ARFGEF3: variants seen among roughly 807,000 people sequenced by gnomAD.
ARFGEF3 encodes ARFGEF family member 3.
ARFGEF3 carries 96 observed loss-of-function variants against 221.7 expected under a neutral mutation model. That is an observed-to-expected ratio of 0.43 (90% CI 0.37 to 0.51). The LOEUF is 0.51. ARFGEF3 is among the 20% of genes least tolerant of loss of function. The probability of loss-of-function intolerance (pLI) is 0.00; values close to 1 mark genes in which losing one functional copy is unlikely to be tolerated. For synonymous variants in ARFGEF3, 1,145 were observed against 1,126.8 expected (o/e 1.02, Z -0.32); for missense variants, 2,410 against 2,789.9 (o/e 0.86, Z 3.07).
At position 138,261,563 on chromosome 6, in the gene ARFGEF3, G is replaced by A. The variant is rs1778795874; in HGVS notation, c.1141G>A (p.Gly381Arg). 2 of 1,579,740 alleles carry A rather than the reference G, an allele frequency of 1.3e-6. No homozygotes were observed. The highest frequency in any genetic ancestry group is 8.6e-7 in the Non-Finnish European group (1 of 1,161,360). Residue 381 changes from glycine (G) to arginine (R), a missense_variant, in exon 11 of 34, where the codon GGA (glycine) becomes AGA (arginine). By Grantham distance (125) the Gly-to-Arg change is moderately radical. Transcript: ENST00000251691. ...CCCACAGCGTCTCTGTGACTTGGCA[G>A]GACCCAGCTCCACTGAATCAGAGTC... ...GSPQRLCDLA[G>R]PSSTESESRK...
At position 138,275,480 on chromosome 6, in the gene ARFGEF3, G is replaced by A. The variant is rs139203140; in HGVS notation, c.2129-2971G>A. 8.1e-3 allele frequency among the ~76,000 whole-genome samples: 1,237 copies of A among 152,198 alleles called. 9 individuals carry two copies. The highest frequency in any genetic ancestry group is 0.013 in the Non-Finnish European group (900 of 68,016). ...AAATTCATAGGGATGGCCGGGCATG[G>A]TGGCTCACACCTGTAATCCCAGCAC... On this transcript the variant is annotated intron_variant, in intron 12 of 33. Transcript: ENST00000251691.
chr6:138,249,648 G>T (rs78069862), intron 8 of ARFGEF3, among the ~76,000 whole-genome samples: 2,168 of 152,298 alleles, frequency 0.014, 28 homozygotes, highest in Middle Eastern at 0.054. Flanking sequence ...ATGGAGAAAA[G>T]AATTCATGTG....
chr6:138,251,962 G>A (rs1020133304), intron 8 of ARFGEF3, among the ~76,000 whole-genome samples: 3 of 152,088 alleles, frequency 2.0e-5, no homozygotes, highest in Admixed American at 6.6e-5. Context: ...CAAAAGCATA[G>A]GGAAGCTTGT....
At position 138,334,604 on chromosome 6, in the gene ARFGEF3, T is replaced by C. The variant is rs773078881; in HGVS notation, c.5758T>C (p.Leu1920=). Residue 1920 remains leucine, a synonymous_variant, in exon 33 of 34, where the codon TTG becomes CTG. Coordinates refer to ENST00000251691, the MANE Select transcript of ARFGEF3 (RefSeq NM_020340.5). The surrounding 1 kb of genome is among the most constrained non-coding windows in gnomAD (Gnocchi z 5.1). ...ELCNNYIQMH[L]DLENCMEEPP... is the part of the protein sequence containing the mutation. ...GTGCAACAACTACATCCAGATGCAC[T>C]TGGACCTGGAGAACTGTATGGAGGA... 2 of 1,613,692 alleles carry C rather than the reference T, an allele frequency of 1.2e-6. No individual in the cohort carries two copies. The highest frequency in any genetic ancestry group is 8.5e-7 in the Non-Finnish European group (1 of 1,179,884).
intron 8 of ARFGEF3, among the ~76,000 whole-genome samples, chr6:138,248,334 G>GC (rs949837091): frequency 1.3e-5 from 2 of 152,080 alleles, no homozygotes; most frequent in African/African-American, 4.8e-5. Flanking sequence ...CCACAGCCTC[G>GC]CCGGTGGCAG....
At chr6:138,182,937 T>C (rs1371582622) in intron 2 of ARFGEF3, among the ~76,000 whole-genome samples, 1 of 152,232 alleles carries the variant, frequency 6.6e-6, no homozygotes, top group Admixed American at 6.5e-5. Context: ...AATTGTTCTA[T>C]GTAAAATAAT....
intron 5 of ARFGEF3, among the ~76,000 whole-genome samples, chr6:138,236,673 C>T (rs933947946): frequency 2.6e-5 from 4 of 152,110 alleles, no homozygotes; most frequent in South Asian, 4.1e-4. Flanking sequence ...TGCCCCGTTG[C>T]GCCCAGGCAG....
At chr6:138,218,449 A>G in intron 4 of ARFGEF3, 2 of 1,471,124 alleles carry the variant, frequency 1.4e-6, no homozygotes, top group Non-Finnish European at 1.8e-6. Context: ...ATAATTTTGT[A>G]AATTATTATA....
intron 2 of ARFGEF3, among the ~76,000 whole-genome samples, chr6:138,204,375 G>C (rs186035511): frequency 0.014 from 1,947 of 137,580 alleles, 31 homozygotes; most frequent in Middle Eastern, 0.069. Context: ...GATTTGATTT[G>C]CCTATCCCAT....
intron 32 of ARFGEF3, among the ~76,000 whole-genome samples, chr6:138,330,234 G>A (rs1780201703): frequency 6.6e-6 from 1 of 152,128 alleles, no homozygotes; most frequent in African/African-American, 2.4e-5. Flanking sequence ...ACCTTCAGGA[G>A]GAAATTTGGT....
At position 138,245,523 on chromosome 6, in the gene ARFGEF3, A is replaced by C; in HGVS notation, c.597A>C (p.Val199=). Reference sequence around the variant, plus strand: ...TCCTCTGTTTTGAAGGGTCAACAGTAGAGTCCCTCTGTGATGATGTTGTCT... The same window carrying C: ...TCCTCTGTTTTGAAGGGTCAACAGTCGAGTCCCTCTGTGATGATGTTGTCT... ...PQDFGNQGST[V]ESLCDDVVSV... Residue 199 remains valine (V), a synonymous_variant, in exon 8 of 34, where the codon GTA becomes GTC. Coordinates refer to ENST00000251691, the MANE Select transcript of ARFGEF3 (RefSeq NM_020340.5). The C allele has an allele frequency of 6.2e-7, 1 of 1,610,892 alleles. No individual in the cohort carries two copies. The highest frequency in any genetic ancestry group is 8.5e-7 in the Non-Finnish European group (1 of 1,178,544).
At chr6:138,306,953 T>TAAAAAAAAAAAA (rs71773390) in intron 22 of ARFGEF3, among the ~76,000 whole-genome samples, 4 of 113,712 alleles carry the variant, frequency 3.5e-5, no homozygotes, top group Non-Finnish European at 3.8e-5. Context: ...TAAGGAACTC[T>TAAAAAAAAAAAA]AAAAAAAAAA....
chr6:138,175,524 C>T (rs1170866559), intron 2 of ARFGEF3, among the ~76,000 whole-genome samples: 1 of 152,192 alleles, frequency 6.6e-6, no homozygotes. Flanking sequence ...GAATCATCCT[C>T]CCCATGTCCT....
intron 6 of ARFGEF3, among the ~76,000 whole-genome samples, chr6:138,239,972 G>C (rs1778363275): frequency 6.6e-6 from 1 of 152,156 alleles, no homozygotes; most frequent in South Asian, 2.1e-4. Flanking sequence ...CAAGTTCTCA[G>C]TTAATATGTG....
At position 138,286,872 on chromosome 6, in the gene ARFGEF3, G is replaced by T. The variant is rs1199852544; in HGVS notation, c.2741G>T (p.Ser914Ile). 1 of 1,613,516 alleles carries T rather than the reference G, an allele frequency of 6.2e-7. No homozygotes were observed. The highest frequency in any genetic ancestry group is 8.5e-7 in the Non-Finnish European group (1 of 1,179,920). The change falls in exon 16 of 34, where the codon AGC becomes ATC. Residue 914 changes from serine to isoleucine, a missense_variant. Coordinates refer to ENST00000251691, the MANE Select transcript of ARFGEF3 (RefSeq NM_020340.5). Reference protein sequence around the residue: ...NQKERDAICMSLDGLRKAARL... With the variant: ...NQKERDAICMILDGLRKAARL... The stretch of plus-strand genomic sequence containing the variant: ...AAGGAGCGGGACGCCATCTGCATGA[G>T]CCTCGACGGGCTGCGGAAAGCCGCA...
chr6:138,322,631 C>G (rs901608985), intron 29 of ARFGEF3, among the ~76,000 whole-genome samples: 3 of 151,906 alleles, frequency 2.0e-5, no homozygotes, highest in African/African-American at 7.3e-5. Flanking sequence ...CCTGTCTCTA[C>G]TAAAAATACA....
At chr6:138,323,481 C>A (rs993693820) in intron 29 of ARFGEF3, among the ~76,000 whole-genome samples, 190 bp from the exon 30 acceptor site, 3 of 152,022 alleles carry the variant, frequency 2.0e-5, no homozygotes, top group African/African-American at 7.2e-5. Context: ...CATGGAGGCG[C>A]ATGCCTGTAA....
In ARFGEF3 at chr6:138,334,759, G is replaced by A. The variant is rs1780290169; in HGVS notation, c.5913G>A (p.Glu1971=). The A allele has an allele frequency of 6.2e-7, 1 of 1,610,384 alleles. No homozygotes were observed. Among genetic ancestry groups the A allele is most frequent in the African/African-American group, 1.3e-5 (1 of 74,790 alleles). Residue 1971 remains glutamate (E), a synonymous_variant, in exon 33 of 34, where the codon GAG becomes GAA. Coordinates refer to ENST00000251691, the MANE Select transcript of ARFGEF3 (RefSeq NM_020340.5). The surrounding 1 kb of genome is among the most constrained non-coding windows in gnomAD (Gnocchi z 5.1). The part of the protein sequence containing the change: ...PSEDDRSQSR[E]HMGESLSLKA... ...AGGATGACAGAAGCCAGTCCCGGGA[G>A]CACATGGGCGAGTCCCTGAGCCTGA...
chr6:138,333,161 T>C (rs78673112), intron 32 of ARFGEF3, among the ~76,000 whole-genome samples: 4,156 of 152,290 alleles, frequency 0.027, 81 homozygotes, highest in East Asian at 0.11. Flanking sequence ...CAAAACCACA[T>C]TGGCAAATTA....
Sources: allele counts gnomAD v4.1 joint callset (sites outside exome capture counted in the v4.1 genomes callset), GRCh38; gene constraint gnomAD v4.1.1; non-coding constraint Gnocchi (gnomAD v3.1); transcripts MANE v1.5; gene names NCBI Gene and HGNC (gene_info 2026-07-23, HGNC 2026-07-21).